Variants in IRAG2 observed in about 807,000 individuals in gnomAD.
IRAG2 encodes inositol 1,4,5-triphosphate receptor associated 2.
In IRAG2, 45 loss-of-function variants were observed where a neutral mutation model predicts 69.9. That is an observed-to-expected ratio of 0.64 (90% CI 0.51 to 0.83). The LOEUF is 0.83. Among genes scored for constraint, IRAG2 ranks in the 40% least tolerant of loss-of-function variants. IRAG2 has a pLI of 0.00. For missense variants in IRAG2, 520 were observed against 587.0 expected, an observed-to-expected ratio of 0.89 and a Z score of 1.18; for synonymous variants, 193 against 202.4, an observed-to-expected ratio of 0.95 and a Z score of 0.40.
At chr12:25,010,954 AG>A (rs1162734139) in intron 2 of IRAG2, among the ~76,000 whole-genome samples, 1 of 152,256 alleles carries the variant, frequency 6.6e-6, no homozygotes, top group Non-Finnish European at 1.5e-5. Flanking sequence ...ACTAAAGTAG[AG>A]AAAAAAACTT....
intron 21 of IRAG2, 107 bp from the exon 22 acceptor site, chr12:25,107,710 G>A: frequency 9.4e-7 from 1 of 1,066,028 alleles, no homozygotes; most frequent in Non-Finnish European, 1.4e-6. Flanking sequence ...TTAAAAGGCA[G>A]TTTTGGGGGT....
intron 10 of IRAG2, chr12:25,030,987 T>A (rs940586065): frequency 3.1e-6 from 3 of 972,540 alleles, no homozygotes; most frequent in Admixed American, 1.2e-4. Context: ...TATTCTTGTA[T>A]CCTGTGATTG....
At chr12:25,023,511 T>C (rs1944599387) in intron 7 of IRAG2, among the ~76,000 whole-genome samples, 2 of 152,346 alleles carry the variant, frequency 1.3e-5, no homozygotes, top group Admixed American at 6.5e-5. Flanking sequence ...CAGCTTCAAA[T>C]AGAACTCTAG....
chr12:25,041,999 A>T (rs945453606), intron 16 of IRAG2, among the ~76,000 whole-genome samples: 10 of 144,900 alleles, frequency 6.9e-5, no homozygotes, highest in Non-Finnish European at 1.1e-4. Flanking sequence ...GTGTATGTGT[A>T]TGTGTGTTTG....
intron 15 of IRAG2, chr12:25,097,695 A>C (rs939930283): frequency 2.6e-5 from 4 of 152,188 alleles, no homozygotes; most frequent in African/African-American, 9.6e-5. Flanking sequence ...ATCATTTGTT[A>C]TATACTTTCA....
chr12:25,030,257 C>T, intron 9 of IRAG2: 1 of 1,230,964 alleles, frequency 8.1e-7, no homozygotes, highest in South Asian at 4.1e-5. Context: ...AACGGCCTTC[C>T]CTAAATTCGT....
At chr12:25,052,373 A>G (rs1944901562), upstream of IRAG2, 1 of 398,748 alleles carries the variant, frequency 2.5e-6, no homozygotes. Flanking sequence ...TGGCTACATT[A>G]GATTCAGGGG....
At position 25,079,385 on chromosome 12, in the gene IRAG2, A is replaced by G; in HGVS notation, c.72-13A>G. On this transcript the variant is annotated splice_polypyrimidine_tract_variant and intron_variant, in intron 7 of 21. Transcript: ENST00000556887. ...CCTGACATTCCAAAACATGTTTGCT[A>G]TCTTTTTGGCAGGGAATATTCCTCA... 3 of 1,612,760 alleles carry G rather than the reference A, an allele frequency of 1.9e-6. No individual in the cohort carries two copies. The highest frequency in any genetic ancestry group is 1.7e-6 in the Non-Finnish European group (2 of 1,178,768).
At chr12:25,005,462 C>A (rs555978062) in intron 2 of IRAG2, 5 of 447,312 alleles carry the variant, frequency 1.1e-5, no homozygotes, top group African/African-American at 8.1e-5. Context: ...TCATTGTCTG[C>A]GTCTACATAT....
At chr12:25,043,710 C>A (rs946219083) in intron 16 of IRAG2, among the ~76,000 whole-genome samples, 2 of 152,270 alleles carry the variant, frequency 1.3e-5, no homozygotes, top group Admixed American at 6.5e-5. Flanking sequence ...CCACCCCTGG[C>A]CTCCAGAATC....
intron 2 of IRAG2, among the ~76,000 whole-genome samples, chr12:25,009,686 G>A (rs1167433432): frequency 6.6e-6 from 1 of 152,162 alleles, no homozygotes; most frequent in African/African-American, 2.4e-5. Context: ...CCAACAGTTT[G>A]GTCCCATTCC....
chr12:25,087,577 G>A (rs753923154), intron 10 of IRAG2, among the ~76,000 whole-genome samples: 5 of 151,968 alleles, frequency 3.3e-5, no homozygotes, highest in African/African-American at 9.7e-5. Flanking sequence ...ATGTATTTAC[G>A]CCCTTTTTGC....
chr12:25,052,655 CAGA>C, upstream of IRAG2: 1 of 397,440 alleles, frequency 2.5e-6, no homozygotes, highest in African/African-American at 2.1e-5. Context: ...CACAGAATTG[CAGA>C]AGTTCAGGAG....
chr12:25,003,370 C>T (rs1251428761), upstream of IRAG2, among the ~76,000 whole-genome samples: 4 of 151,904 alleles, frequency 2.6e-5, no homozygotes, highest in Non-Finnish European at 5.9e-5. Context: ...CTAATCTGTC[C>T]ATCCATCCCT....
At chr12:25,023,477 T>C (rs1944599151) in intron 7 of IRAG2, among the ~76,000 whole-genome samples, 1 of 152,230 alleles carries the variant, frequency 6.6e-6, no homozygotes, top group Non-Finnish European at 1.5e-5. Flanking sequence ...TATGTTGTGA[T>C]GATGTTGCAT....
intron 7 of IRAG2, chr12:25,020,962 TA>T (rs1944573773): frequency 2.3e-6 from 2 of 880,602 alleles, no homozygotes; most frequent in Non-Finnish European, 3.0e-6. Context: ...ATAACTGAAA[TA>T]TACAAGAGGA....
upstream of IRAG2, among the ~76,000 whole-genome samples, chr12:25,003,635 A>G (rs1944409146): frequency 6.6e-6 from 1 of 152,208 alleles, no homozygotes; most frequent in African/African-American, 2.4e-5. Flanking sequence ...ACGCAATAAA[A>G]CTATGCTGGA....
Position 25,066,447 on chromosome 12 carries a change from T to A in IRAG2, c.-124T>A. ...CAGGTGTAGCCAACCAAATCCACAC[T>A]CTGTGTGAAAGGCCCACATATGGAG... On this transcript the variant is annotated 5_prime_UTR_variant, in exon 5 of 22. Transcript: ENST00000556887. 1 of 401,194 alleles carries A rather than the reference T, an allele frequency of 2.5e-6. No individual in the cohort carries two copies. The highest frequency in any genetic ancestry group is 4.4e-6 in the Non-Finnish European group (1 of 226,222). 24.9% of individuals were successfully genotyped at this position (401,194 alleles called of 1,614,324 possible).
exon 7 of IRAG2, chr12:25,020,818 C>A: frequency 8.1e-7 from 1 of 1,231,864 alleles, no homozygotes; most frequent in East Asian, 3.2e-5. Flanking sequence ...GAGAACAAAT[C>A]TGTTAAAAGA....
Sources: gnomAD v4.1 joint callset for allele counts (sites outside exome capture counted in the v4.1 genomes callset) on GRCh38, gnomAD v4.1.1 for gene constraint, MANE v1.5 for transcripts, NCBI Gene and HGNC (gene_info 2026-07-23, HGNC 2026-07-21) for gene names.